Variants in XKR4 observed in about 807,000 individuals in gnomAD.
XKR4 encodes the protein XK-related protein 4.
A neutral mutation model predicts 53.9 loss-of-function variants in XKR4; 12 were observed. The ratio of observed to expected loss-of-function variants is 0.22; its 90% CI spans 0.14 to 0.36. The LOEUF (loss-of-function observed/expected upper bound fraction) is 0.36. XKR4 is among the 10% of genes least tolerant of loss of function. The pLI is 1.00. For missense variants in XKR4, 799 were observed against 859.5 expected (o/e 0.93, Z 0.88); for synonymous variants, 354 against 362.4 (o/e 0.98, Z 0.26).
chr8:55,291,333 T>C (rs1158593732), intron 1 of XKR4, among the ~76,000 whole-genome samples: 1 of 152,228 alleles, frequency 6.6e-6, no homozygotes, highest in Non-Finnish European at 1.5e-5. Flanking sequence ...CGAAACTGTT[T>C]TGGCTATTCT....
chr8:55,275,081 A>G (rs1002791292), intron 1 of XKR4, among the ~76,000 whole-genome samples: 2 of 152,196 alleles, frequency 1.3e-5, no homozygotes, highest in East Asian at 1.9e-4. Flanking sequence ...GATTATTCCT[A>G]AAAAATGAAA....
intron 1 of XKR4, among the ~76,000 whole-genome samples, chr8:55,166,798 G>A (rs1817071509): frequency 6.6e-6 from 1 of 152,216 alleles, no homozygotes; most frequent in African/African-American, 2.4e-5. Context: ...AGTGGGTGAA[G>A]AGAAGGAGAT....
intron 1 of XKR4, among the ~76,000 whole-genome samples, chr8:55,138,001 A>G (rs1044819624): frequency 6.6e-6 from 1 of 152,106 alleles, no homozygotes; most frequent in African/African-American, 2.4e-5. Context: ...GGTATCTTGA[A>G]AGTGTGGCTG....
intron 2 of XKR4, among the ~76,000 whole-genome samples, chr8:55,496,454 G>A (rs1394952420): frequency 6.6e-6 from 1 of 152,154 alleles, no homozygotes; most frequent in African/African-American, 2.4e-5. Context: ...CTTACAAAAG[G>A]AGAGATCTTA....
intron 1 of XKR4, among the ~76,000 whole-genome samples, chr8:55,343,980 G>C (rs532768870): frequency 6.6e-6 from 1 of 152,338 alleles, no homozygotes; most frequent in East Asian, 1.9e-4. Flanking sequence ...GGCAGGTGAA[G>C]GTTGTGTGGC....
At chr8:55,463,379 G>A (rs1805695215) in intron 2 of XKR4, among the ~76,000 whole-genome samples, 1 of 151,170 alleles carries the variant, frequency 6.6e-6, no homozygotes, top group East Asian at 2.0e-4. Context: ...ATGACTACGG[G>A]GTACATAACG....
intron 1 of XKR4, among the ~76,000 whole-genome samples, chr8:55,321,028 C>G (rs1176889715): frequency 6.6e-6 from 1 of 152,110 alleles, no homozygotes; most frequent in African/African-American, 2.4e-5. Context: ...CCTCCCACCA[C>G]CACACCTGCA....
chr8:55,138,850 G>A (rs1309020139), intron 1 of XKR4, among the ~76,000 whole-genome samples: 1 of 152,112 alleles, frequency 6.6e-6, no homozygotes, highest in African/African-American at 2.4e-5. Context: ...GGTTATGAAG[G>A]ACCCCATGTA....
chr8:55,289,731 AAG>A (rs1004451409), intron 1 of XKR4, among the ~76,000 whole-genome samples: 1 of 48,526 alleles, frequency 2.1e-5, no homozygotes, highest in East Asian at 9.1e-4. Context: ...AAGAGAAAGA[AAG>A]AAAGAAAGAA....
chr8:55,535,646 T>C lies in XKR4; in HGVS notation c.*11419T>C, dbSNP rs1398219432. The stretch of plus-strand genomic sequence containing the variant: ...GGGTGTTGGGTCAGAGGGTATCTAT[T>C]AATGTAGAGGCCCAAGTATGGTGAT... On this transcript the variant is annotated 3_prime_UTR_variant, in exon 3 of 3. Transcript: ENST00000327381. 1 of 152,172 alleles carries C rather than the reference T, an allele frequency of 6.6e-6. No individual in the cohort carries two copies. 9.4% of individuals were successfully genotyped at this position (152,172 alleles called of 1,614,324 possible).
At chr8:55,509,244 T>C (rs1216914081) in intron 2 of XKR4, among the ~76,000 whole-genome samples, 1 of 152,220 alleles carries the variant, frequency 6.6e-6, no homozygotes, top group Non-Finnish European at 1.5e-5. Context: ...TTTCTTGCCA[T>C]TTATGATCTT....
chr8:55,532,925 A>G lies in XKR4; in HGVS notation c.*8698A>G. ...GCTTAATTTATATTAAAACAGATTTAATCAAATTATTACTTAAGTACTACA... is the reference window on the plus strand; with the variant it reads ...GCTTAATTTATATTAAAACAGATTTGATCAAATTATTACTTAAGTACTACA... On this transcript the variant is annotated 3_prime_UTR_variant, in exon 3 of 3. Transcript: ENST00000327381. 1 of 152,076 alleles carries G rather than the reference A, an allele frequency of 6.6e-6. No homozygotes were observed. The highest frequency in any genetic ancestry group is 1.5e-5 in the Non-Finnish European group (1 of 68,018). 9.4% of individuals were successfully genotyped at this position (152,076 alleles called of 1,614,324 possible).
chr8:55,257,296 G>C (rs149991850), intron 1 of XKR4, among the ~76,000 whole-genome samples: 1 of 152,100 alleles, frequency 6.6e-6, no homozygotes, highest in African/African-American at 2.4e-5. Flanking sequence ...CATCAAGTGA[G>C]TTCATATAAT....
chr8:55,401,469 C>T (rs1032478277), intron 2 of XKR4, among the ~76,000 whole-genome samples: 5 of 152,244 alleles, frequency 3.3e-5, no homozygotes, highest in African/African-American at 1.2e-4. Context: ...CTCAATTTTC[C>T]AGCCGGTGGC....
intron 1 of XKR4, among the ~76,000 whole-genome samples, chr8:55,315,843 TCTCCAAGTAAAAAC>T (rs1360842669): frequency 3.9e-5 from 6 of 152,104 alleles, no homozygotes; most frequent in African/African-American, 1.4e-4. Context: ...TCCATGCTCT[TCTCCAAGTAAAAAC>T]CTTAACACAG....
intron 1 of XKR4, among the ~76,000 whole-genome samples, chr8:55,134,085 T>TTA (rs1816593346): frequency 6.6e-6 from 1 of 152,216 alleles, no homozygotes; most frequent in Non-Finnish European, 1.5e-5. Flanking sequence ...TAAAGACTGT[T>TTA]TATAACAGCT....
intron 2 of XKR4, among the ~76,000 whole-genome samples, chr8:55,415,519 G>C (rs1339463670): frequency 6.6e-6 from 1 of 152,066 alleles, no homozygotes; most frequent in Admixed American, 6.6e-5. Context: ...GTTGTGGGCC[G>C]GGTGCTGAGT....
intron 2 of XKR4, among the ~76,000 whole-genome samples, chr8:55,418,318 G>A (rs1804878960): frequency 6.6e-6 from 1 of 152,152 alleles, no homozygotes; most frequent in Non-Finnish European, 1.5e-5. Context: ...GCTCCTGATG[G>A]TTCTCTGCAA....
chr8:55,123,248 A>G (rs1254994122), intron 1 of XKR4, among the ~76,000 whole-genome samples: 1 of 152,216 alleles, frequency 6.6e-6, no homozygotes, highest in Non-Finnish European at 1.5e-5. Context: ...AATGAATGAA[A>G]TGGAAATCAG....
Sources: allele counts gnomAD v4.1 joint callset (sites outside exome capture counted in the v4.1 genomes callset), GRCh38; gene constraint gnomAD v4.1.1; transcripts MANE v1.5; gene names NCBI Gene and HGNC (gene_info 2026-07-23, HGNC 2026-07-21).